The following MNAT1 variants were observed in gnomAD, a reference collection of about 807,000 sequenced individuals.
The protein encoded by MNAT1 is MNAT1 component of CDK activating kinase.
In MNAT1, 43 loss-of-function variants were observed where a neutral mutation model predicts 42.0. That is an observed-to-expected ratio of 1.02 (90% confidence interval 0.80 to 1.32). MNAT1 has a LOEUF of 1.32. Ranked by LOEUF, MNAT1 falls within the 40% of genes most tolerant of loss-of-function variation. The pLI is 0.00. For missense variants in MNAT1, 306 were observed against 350.4 expected (o/e 0.87, Z 1.01); for synonymous variants, 118 against 120.0 (o/e 0.98, Z 0.11).
Position 60,818,826 on chromosome 14 carries a change from G to A in MNAT1, c.666G>A (p.Thr222=), listed in dbSNP as rs143441995. Residue 222 remains threonine, a synonymous_variant, in exon 6 of 8, where the codon ACG becomes ACA. Coordinates refer to ENST00000261245, the MANE Select transcript of MNAT1 (RefSeq NM_002431.4). ...AACCCAAACCTGTAAAACCAGTGAC[G>A]TTTTCCACAGGCATCAAAATGGTAA... is the stretch of plus-strand genomic sequence containing the variant. ...LEKPKPVKPV[T]FSTGIKMGQH... 179 of 1,612,140 alleles carry A rather than the reference G, an allele frequency of 1.1e-4. No individual in the cohort carries two copies. The highest frequency in any genetic ancestry group is 1.4e-4 in the Non-Finnish European group (168 of 1,178,928).
At chr14:60,786,791 T>G (rs771927932) in intron 1 of MNAT1, among the ~76,000 whole-genome samples, 1 of 152,184 alleles carries the variant, frequency 6.6e-6, no homozygotes, top group Non-Finnish European at 1.5e-5. Flanking sequence ...TTGAAATAAA[T>G]GAAGACTATC....
At chr14:60,769,057 G>C (rs1322295172) in intron 1 of MNAT1, among the ~76,000 whole-genome samples, 1 of 151,932 alleles carries the variant, frequency 6.6e-6, no homozygotes, top group East Asian at 1.9e-4. Flanking sequence ...TAACCCCCTG[G>C]GTTGAGAAAT....
intron 7 of MNAT1, among the ~76,000 whole-genome samples, chr14:60,945,843 T>G (rs1210749407): frequency 2.6e-5 from 4 of 152,144 alleles, no homozygotes; most frequent in African/African-American, 9.7e-5. Flanking sequence ...CACAGTGGCT[T>G]TCCCACATCA....
chr14:60,751,881 A>T (rs2030110084), intron 1 of MNAT1, among the ~76,000 whole-genome samples: 1 of 152,094 alleles, frequency 6.6e-6, no homozygotes, highest in African/African-American at 2.4e-5. Context: ...CTCCATCAAT[A>T]TGGTGCAGTG....
At chr14:60,854,760 A>AGTCAGGAGGCACGGGG (rs2139423199) in intron 6 of MNAT1, among the ~76,000 whole-genome samples, 1 of 152,304 alleles carries the variant, frequency 6.6e-6, no homozygotes, top group East Asian at 1.9e-4. Flanking sequence ...GGTGTCTCCC[A>AGTCAGGAGGCACGGGG]GTCAGGAGGC....
chr14:60,901,809 T>C (rs2035078046), intron 7 of MNAT1, among the ~76,000 whole-genome samples: 1 of 152,124 alleles, frequency 6.6e-6, no homozygotes, highest in Non-Finnish European at 1.5e-5. Context: ...AGAAACTGAC[T>C]CTCAGGGATG....
chr14:60,916,888 G>T (rs1375602961), intron 7 of MNAT1, among the ~76,000 whole-genome samples: 1 of 152,128 alleles, frequency 6.6e-6, no homozygotes, highest in East Asian at 1.9e-4. Flanking sequence ...GGGAGGCGGG[G>T]GTTGCAGTGA....
chr14:60,757,468 G>A (rs2030410526), intron 1 of MNAT1, among the ~76,000 whole-genome samples: 1 of 152,080 alleles, frequency 6.6e-6, no homozygotes, highest in African/African-American at 2.4e-5. Context: ...GAAATGTCTT[G>A]TTTGATAAAG....
At chr14:60,948,228 C>T (rs181951826) in intron 7 of MNAT1, among the ~76,000 whole-genome samples, 72 of 152,112 alleles carry the variant, frequency 4.7e-4, no homozygotes, top group Admixed American at 6.5e-4. Context: ...GCCAGGAGTT[C>T]GAGAACACCC....
chr14:60,735,061 C>A, intron 1 of MNAT1, 110 bp downstream of exon 1: 1 of 1,002,110 alleles, frequency 1.0e-6, no homozygotes, highest in Non-Finnish European at 1.6e-6. Context: ...TTAGTTTCAA[C>A]ACTGGGGAGG....
intron 7 of MNAT1, among the ~76,000 whole-genome samples, chr14:60,948,358 G>A (rs2036321512): frequency 6.6e-6 from 1 of 152,122 alleles, no homozygotes; most frequent in South Asian, 2.1e-4. Context: ...TTGAGCCCAA[G>A]GAGTTCAAGG....
chr14:60,850,451 G>T (rs561010255), intron 6 of MNAT1, among the ~76,000 whole-genome samples: 86 of 152,324 alleles, frequency 5.6e-4, no homozygotes, highest in Non-Finnish European at 1.0e-3. Context: ...GTAGCCTCCT[G>T]TTACTATGTT....
chr14:60,811,681 G>A (rs898384428), intron 4 of MNAT1, among the ~76,000 whole-genome samples: 1 of 152,064 alleles, frequency 6.6e-6, no homozygotes, highest in African/African-American at 2.4e-5. Context: ...TGATCTTTAT[G>A]TATACCTTAC....
intron 7 of MNAT1, among the ~76,000 whole-genome samples, chr14:60,884,838 T>G (rs1164510164): frequency 6.6e-6 from 1 of 152,024 alleles, no homozygotes. Context: ...GTTCTTTTCT[T>G]TCTAATTGAA....
intron 6 of MNAT1, among the ~76,000 whole-genome samples, chr14:60,867,980 C>T (rs1438679788): frequency 6.6e-6 from 1 of 152,120 alleles, no homozygotes; most frequent in South Asian, 2.1e-4. Context: ...TATTACCATG[C>T]AGCTGCTGCA....
intron 7 of MNAT1, among the ~76,000 whole-genome samples, chr14:60,908,510 C>A (rs932695993): frequency 2.0e-5 from 3 of 150,192 alleles, no homozygotes; most frequent in Non-Finnish European, 3.0e-5. Context: ...GTGTGATGTT[C>A]CCCTTCCTGT....
chr14:60,745,205 G>A (rs1391967680), intron 1 of MNAT1, among the ~76,000 whole-genome samples: 1 of 152,228 alleles, frequency 6.6e-6, no homozygotes, highest in Non-Finnish European at 1.5e-5. Flanking sequence ...CACCTTGTGA[G>A]TTTCCCATCT....
At chr14:60,869,586 A>G (rs900845669) in intron 6 of MNAT1, among the ~76,000 whole-genome samples, 1 of 152,168 alleles carries the variant, frequency 6.6e-6, no homozygotes, top group South Asian at 2.1e-4. Flanking sequence ...AGATCAATTA[A>G]AAGAGTTCTG....
intron 7 of MNAT1, among the ~76,000 whole-genome samples, chr14:60,937,212 C>A (rs1244811260): frequency 2.0e-5 from 3 of 152,122 alleles, no homozygotes; most frequent in African/African-American, 7.2e-5. Flanking sequence ...TTTTGCTGTG[C>A]AGAAGCTCTT....
Sources: gnomAD v4.1 joint callset for allele counts (sites outside exome capture counted in the v4.1 genomes callset) on GRCh38, gnomAD v4.1.1 for gene constraint, MANE v1.5 for transcripts, NCBI Gene and HGNC (gene_info 2026-07-23, HGNC 2026-07-21) for gene names.